The following PRUNE2 variants were observed in gnomAD, a reference collection of about 807,000 sequenced individuals.
The protein encoded by PRUNE2 is prune homolog 2 with BCH domain.
PRUNE2 carries 164 observed loss-of-function variants against 252.0 expected under a neutral mutation model. The observed-to-expected ratio is 0.65, with a 90% CI of 0.57 to 0.74. The LOEUF is 0.74. Among genes scored for constraint, PRUNE2 ranks in the 30% least tolerant of loss-of-function variants. PRUNE2 has a pLI of 0.00. For synonymous variants in PRUNE2, 1,292 were observed against 1,350.2 expected (o/e 0.96, Z 0.94); for missense variants, 3,495 against 3,711.0 (o/e 0.94, Z 1.51).
intron 1 of PRUNE2, among the ~76,000 whole-genome samples, chr9:76,865,546 G>T (rs1022569160): frequency 2.0e-5 from 3 of 152,092 alleles, no homozygotes; most frequent in African/African-American, 7.2e-5. Flanking sequence ...ACTTCCTAAG[G>T]CAGCGTGCTG....
chr9:76,802,922 G>C (rs4745584), intron 6 of PRUNE2, among the ~76,000 whole-genome samples: 78,172 of 151,842 alleles, frequency 0.51, 20,164 homozygotes, highest in African/African-American at 0.55. Context: ...GACACACTTT[G>C]TTGTCAAGTG....
intron 1 of PRUNE2, among the ~76,000 whole-genome samples, chr9:76,877,658 T>A (rs997365376): frequency 6.6e-6 from 1 of 152,190 alleles, no homozygotes; most frequent in Non-Finnish European, 1.5e-5. Flanking sequence ...GTTTGTTTGA[T>A]TAATACATAA....
chr9:76,704,928 C>T lies in PRUNE2; in HGVS notation c.7346G>A (p.Arg2449Lys). ...SEGNQAETKN[R>K]LPGSQLAVLH... Reference sequence around the variant, plus strand: ...CACAGCCAGCTGGGATCCAGGCAGTCTGTTTTTGGTCTCAGCCTGGTTTCC... The same window carrying T: ...CACAGCCAGCTGGGATCCAGGCAGTTTGTTTTTGGTCTCAGCCTGGTTTCC... The change falls in exon 8 of 19, where the codon AGA (arginine) becomes AAA (lysine). Residue 2449 changes from arginine to lysine, a missense_variant. Coordinates refer to ENST00000376718, the MANE Select transcript of PRUNE2 (RefSeq NM_015225.3). 1 of 1,612,428 alleles carries T rather than the reference C, an allele frequency of 6.2e-7. No individual in the cohort carries two copies. Among genetic ancestry groups the T allele is most frequent in the Non-Finnish European group, 8.5e-7 (1 of 1,179,160 alleles).
At chr9:76,900,235 A>C (rs2063089562) in intron 1 of PRUNE2, among the ~76,000 whole-genome samples, 1 of 152,216 alleles carries the variant, frequency 6.6e-6, no homozygotes, top group Non-Finnish European at 1.5e-5. Context: ...CTATGAATAC[A>C]TCATTTTGGC....
intron 6 of PRUNE2, chr9:76,817,988 C>T (rs1187630852): frequency 6.6e-6 from 1 of 152,150 alleles, no homozygotes; most frequent in Non-Finnish European, 1.5e-5. Flanking sequence ...TTTGAAAAGT[C>T]ATCTTTTCAA....
chr9:76,804,000 G>T (rs150734918), intron 6 of PRUNE2, among the ~76,000 whole-genome samples: 1 of 151,824 alleles, frequency 6.6e-6, no homozygotes, highest in African/African-American at 2.4e-5. Context: ...ACATCTCTCC[G>T]CCGAGAACTG....
intron 18 of PRUNE2, among the ~76,000 whole-genome samples, chr9:76,617,513 G>GAA (rs112685953): frequency 4.9e-5 from 7 of 141,720 alleles, no homozygotes; most frequent in South Asian, 2.2e-4. Flanking sequence ...CTGGAAGTCA[G>GAA]AAAAAAAAAA....
At chr9:76,718,550 C>G (rs4745572) in intron 6 of PRUNE2, among the ~76,000 whole-genome samples, 65,551 of 151,986 alleles carry the variant, frequency 0.43, 14,552 homozygotes, top group Admixed American at 0.56. Flanking sequence ...CCTTCACCTT[C>G]CTGACACCAC....
chr9:76,617,306 C>T (rs1041666342), intron 18 of PRUNE2, among the ~76,000 whole-genome samples: 5 of 152,208 alleles, frequency 3.3e-5, no homozygotes, highest in Middle Eastern at 3.2e-3. Context: ...CACACTCCAT[C>T]TTATTCTTGG....
intron 1 of PRUNE2, among the ~76,000 whole-genome samples, chr9:76,888,841 T>A (rs539657042): frequency 6.6e-6 from 1 of 151,866 alleles, no homozygotes; most frequent in South Asian, 2.1e-4. Context: ...TTAATGTTTT[T>A]TGTTGTTGTT....
intron 1 of PRUNE2, among the ~76,000 whole-genome samples, chr9:76,878,253 G>C (rs2061574309): frequency 6.6e-6 from 1 of 152,196 alleles, no homozygotes; most frequent in Admixed American, 6.5e-5. Context: ...GAAAAGGGAA[G>C]AGCAGGTGGA....
intron 15 of PRUNE2, among the ~76,000 whole-genome samples, chr9:76,630,594 G>A (rs896945752): frequency 1.5e-4 from 23 of 152,148 alleles, no homozygotes; most frequent in African/African-American, 5.3e-4. Flanking sequence ...GCACGATCTT[G>A]GCTCACTGCA....
At chr9:76,691,073 T>C (rs930342718) in intron 9 of PRUNE2, among the ~76,000 whole-genome samples, 2 of 152,232 alleles carry the variant, frequency 1.3e-5, no homozygotes, top group Admixed American at 1.3e-4. Context: ...AAGAAAACTT[T>C]CATCAGATGA....
At chr9:76,646,175 A>G (rs1457085315) in intron 11 of PRUNE2, among the ~76,000 whole-genome samples, 1 of 152,136 alleles carries the variant, frequency 6.6e-6, no homozygotes, top group African/African-American at 2.4e-5. Context: ...AACCTTTAAT[A>G]TTCACTTCCA....
intron 9 of PRUNE2, among the ~76,000 whole-genome samples, chr9:76,696,544 G>A (rs920521175): frequency 6.6e-6 from 1 of 152,160 alleles, no homozygotes. Flanking sequence ...TCATGCCTCA[G>A]TCTCCCGAGT....
chr9:76,814,623 T>C (rs149806696), intron 6 of PRUNE2, among the ~76,000 whole-genome samples: 76 of 152,084 alleles, frequency 5.0e-4, no homozygotes, highest in African/African-American at 1.6e-3. Context: ...AGTGAAGGGG[T>C]AGCTAATTGG....
intron 6 of PRUNE2, among the ~76,000 whole-genome samples, chr9:76,810,292 T>C (rs1163913299): frequency 1.3e-5 from 2 of 152,178 alleles, no homozygotes; most frequent in Non-Finnish European, 2.9e-5. Flanking sequence ...AGGGTAGTCA[T>C]GGAGGTTCAA....
At position 76,612,463 on chromosome 9, in the gene PRUNE2, T is replaced by C. The variant is rs1320967242; in HGVS notation, c.*2107A>G. ...ATGGAATTCATTTTACAAAATGGGA[T>C]GCTACTGAGTGAAAGTAGCAAATAG... On this transcript the variant is annotated 3_prime_UTR_variant, in exon 19 of 19. Transcript: ENST00000376718. 1 of 152,174 alleles carries C rather than the reference T, an allele frequency of 6.6e-6. No individual in the cohort carries two copies. The highest frequency in any genetic ancestry group is 6.6e-5 in the Admixed American group (1 of 15,264). 9.4% of individuals were successfully genotyped at this position (152,174 alleles called of 1,614,324 possible). A position where few individuals can be genotyped will look rare whatever the true frequency, so the allele number is the denominator to read the frequency against.
intron 11 of PRUNE2, among the ~76,000 whole-genome samples, chr9:76,647,046 G>C (rs1845195399): frequency 6.6e-6 from 1 of 152,074 alleles, no homozygotes; most frequent in African/African-American, 2.4e-5. Context: ...AAAATTAGCT[G>C]GATATGTTGG....
Sources: gnomAD v4.1 joint callset for allele counts (sites outside exome capture counted in the v4.1 genomes callset) on GRCh38, gnomAD v4.1.1 for gene constraint, MANE v1.5 for transcripts, NCBI Gene and HGNC (gene_info 2026-07-23, HGNC 2026-07-21) for gene names.